Variants in MAGI2 observed in about 807,000 individuals in gnomAD.
The protein encoded by MAGI2 is membrane associated guanylate kinase, WW and PDZ domain containing 2, also known as membrane-associated guanylate kinase, WW and PDZ domain-containing protein 2.
MAGI2 carries 35 observed loss-of-function variants against 133.3 expected under a neutral mutation model. That is an observed-to-expected ratio of 0.26 (90% CI 0.20 to 0.35). The LOEUF (loss-of-function observed/expected upper bound fraction) is 0.35, where lower values mean the gene tolerates loss of function less well. MAGI2 is among the 10% of genes least tolerant of loss of function. The pLI is 1.00. For synonymous variants in MAGI2, 729 were observed against 710.6 expected (o/e 1.03, Z -0.41); for missense variants, 1,636 against 1,863.4 (o/e 0.88, Z 2.25).
At chr7:78,834,964 T>C (rs1928911) in intron 2 of MAGI2, among the ~76,000 whole-genome samples, 53,932 of 152,064 alleles carry the variant, frequency 0.35, 10,342 homozygotes, top group East Asian at 0.71. Flanking sequence ...CCTCAGAAGC[T>C]GAGCAGATGC....
chr7:78,394,759 G>C (rs181825522), intron 6 of MAGI2, among the ~76,000 whole-genome samples: 9 of 151,954 alleles, frequency 5.9e-5, no homozygotes, highest in African/African-American at 2.2e-4. Flanking sequence ...ATTACTCATC[G>C]ATCTTTGCAT....
chr7:78,270,731 C>T (rs769169547), intron 9 of MAGI2, among the ~76,000 whole-genome samples: 4 of 152,006 alleles, frequency 2.6e-5, no homozygotes, highest in African/African-American at 7.2e-5. Flanking sequence ...GACAGACCAA[C>T]GAGACAGAAA....
chr7:79,056,552 G>C (rs1813163786), intron 1 of MAGI2, among the ~76,000 whole-genome samples: 1 of 152,120 alleles, frequency 6.6e-6, no homozygotes, highest in East Asian at 1.9e-4. Context: ...TTCAATACTT[G>C]CACAGAGTAT....
chr7:78,656,612 A>G (rs920915474), intron 2 of MAGI2, among the ~76,000 whole-genome samples: 1 of 152,214 alleles, frequency 6.6e-6, no homozygotes, highest in African/African-American at 2.4e-5. Context: ...GATCTAATGT[A>G]CAGCATGAGA....
intron 3 of MAGI2, among the ~76,000 whole-genome samples, chr7:78,539,583 G>A (rs1341774708): frequency 6.6e-6 from 1 of 151,950 alleles, no homozygotes; most frequent in Non-Finnish European, 1.5e-5. Flanking sequence ...GCTATTCACA[G>A]GTTGTGTCAT....
At chr7:78,442,449 T>C (rs1253169747) in intron 6 of MAGI2, among the ~76,000 whole-genome samples, 1 of 152,202 alleles carries the variant, frequency 6.6e-6, no homozygotes, top group African/African-American at 2.4e-5. Context: ...AATGACCTTC[T>C]TTGGAGATGA....
chr7:79,086,552 T>C (rs1816510278), intron 1 of MAGI2, among the ~76,000 whole-genome samples: 1 of 151,898 alleles, frequency 6.6e-6, no homozygotes, highest in African/African-American at 2.4e-5. Context: ...CTGAAAAAGT[T>C]GATTTTGACA....
chr7:79,173,521 G>A (rs1433321226), intron 1 of MAGI2, among the ~76,000 whole-genome samples: 1 of 151,374 alleles, frequency 6.6e-6, no homozygotes, highest in Non-Finnish European at 1.5e-5. Context: ...TTGCAGAGAT[G>A]GGGTCTCACT....
Position 78,322,324 on chromosome 7 carries a change from G to T in MAGI2, c.1408+21454C>A, listed in dbSNP as rs913356542. 1.4e-4 allele frequency among the ~76,000 whole-genome samples: 22 copies of T among 151,978 alleles called. 1 individual carries two copies. On this transcript the variant is annotated intron_variant, in intron 9 of 21. Coordinates refer to ENST00000354212, the MANE Select transcript of MAGI2 (RefSeq NM_012301.4). ...ACACATTCACCCATATGTTTATTGC[G>T]GCACTATTTACAATAGCAAAGACTT...
intron 20 of MAGI2, among the ~76,000 whole-genome samples, chr7:78,091,052 A>ATGTGTGTGTATGTGTGTG (rs1817153027): frequency 6.7e-6 from 1 of 150,010 alleles, no homozygotes; most frequent in Non-Finnish European, 1.5e-5. Context: ...ATGTGTGTGT[A>ATGTGTGTGTATGTGTGTG]TGTGTGTGTG....
rs1022936552 is a variant in MAGI2, at chr7:78,903,044, G to T, written c.418+104046C>A. Among the ~76,000 whole-genome samples the T allele has an allele frequency of 2.6e-5, 4 of 152,126 alleles. No homozygotes were observed. In the East Asian group the frequency reaches 7.8e-4, roughly 30 times the overall value. ...GAGTGACAGAGAGGAAGTGAGAGAG[G>T]AAAGAGAAGGCAGTCTGAACTCATT... is the stretch of plus-strand genomic sequence containing the variant. On this transcript the variant is annotated intron_variant, in intron 2 of 21. Transcript: ENST00000354212.
chr7:78,818,480 T>A (rs1359090112), intron 2 of MAGI2, among the ~76,000 whole-genome samples: 1 of 152,176 alleles, frequency 6.6e-6, no homozygotes. Context: ...AGTGGATGAG[T>A]TAATTGTTGA....
At chr7:79,356,511 T>G (rs949272932) in intron 1 of MAGI2, among the ~76,000 whole-genome samples, 2 of 152,162 alleles carry the variant, frequency 1.3e-5, no homozygotes, top group African/African-American at 4.8e-5. Context: ...ATTTACAGCA[T>G]TAATTTTTAG....
intron 2 of MAGI2, among the ~76,000 whole-genome samples, chr7:78,826,996 T>C (rs962188519): frequency 6.6e-6 from 1 of 152,106 alleles, no homozygotes; most frequent in Non-Finnish European, 1.5e-5. Flanking sequence ...GTAATTGATG[T>C]GGTGATAGGA....
In MAGI2 at chr7:79,246,487, G is replaced by A. The variant is rs1318324316; in HGVS notation, c.301+206533C>T. On this transcript the variant is annotated intron_variant, in intron 1 of 21. Transcript: ENST00000354212. Reference sequence around the variant, plus strand: ...TTTAAAAGAATTAAGCAGAAATTCTGGAGTTGAAAATGCAATAGACATACT... The same window carrying A: ...TTTAAAAGAATTAAGCAGAAATTCTAGAGTTGAAAATGCAATAGACATACT... Among the ~76,000 whole-genome samples, 5 of 152,270 alleles carry A rather than the reference G, an allele frequency of 3.3e-5. No individual in the cohort carries two copies. The East Asian group carries it at 7.7e-4, about 24-fold the overall frequency.
intron 1 of MAGI2, chr7:79,414,448 C>A (rs1183399662): frequency 6.6e-6 from 1 of 152,080 alleles, no homozygotes; most frequent in Non-Finnish European, 1.5e-5. Context: ...TCAGACTGTA[C>A]ACAATTTGGT....
intron 6 of MAGI2, among the ~76,000 whole-genome samples, chr7:78,451,359 G>C (rs554028716): frequency 1.3e-5 from 2 of 152,182 alleles, no homozygotes; most frequent in South Asian, 4.1e-4. Context: ...AAATAAAAAG[G>C]GAACTGCTTT....
intron 2 of MAGI2, among the ~76,000 whole-genome samples, chr7:78,783,221 G>A (rs760237039): frequency 1.3e-5 from 2 of 151,850 alleles, no homozygotes; most frequent in African/African-American, 4.8e-5. Flanking sequence ...AATCCTCAAG[G>A]TTGATCAGTA....
At chr7:78,679,764 C>T (rs899590725) in intron 2 of MAGI2, among the ~76,000 whole-genome samples, 3 of 152,014 alleles carry the variant, frequency 2.0e-5, no homozygotes, top group Non-Finnish European at 4.4e-5. Flanking sequence ...GGAGGCAATA[C>T]CAATGAAGGG....
Sources: gnomAD v4.1 joint callset for allele counts (sites outside exome capture counted in the v4.1 genomes callset) on GRCh38, gnomAD v4.1.1 for gene constraint, MANE v1.5 for transcripts, NCBI Gene and HGNC (gene_info 2026-07-23, HGNC 2026-07-21) for gene names.